The following LRP2BP variants were observed in gnomAD, a reference collection of about 807,000 sequenced individuals.
LRP2BP encodes the protein LRP2-binding protein.
LRP2BP carries 38 observed loss-of-function variants against 45.2 expected under a neutral mutation model. The ratio of observed to expected loss-of-function variants is 0.84; its 90% CI spans 0.65 to 1.10. The LOEUF is 1.10. Ranked by LOEUF, LRP2BP falls within the 50% of genes least tolerant of loss-of-function variation. LRP2BP has a pLI of 0.00. For synonymous variants in LRP2BP, 153 were observed against 153.9 expected (o/e 0.99, Z 0.04); for missense variants, 385 against 418.9 (o/e 0.92, Z 0.71).
chr4:185,385,916 G>GTGGT (rs758927819), intron 1 of LRP2BP, among the ~76,000 whole-genome samples: 3 of 138,000 alleles, frequency 2.2e-5, no homozygotes, highest in Non-Finnish European at 4.8e-5. Flanking sequence ...GGGGGGGGGG[G>GTGGT]AGATAAAGAA....
chr4:185,371,880 G>A (rs1043759836), intron 7 of LRP2BP, among the ~76,000 whole-genome samples: 3 of 152,164 alleles, frequency 2.0e-5, no homozygotes, highest in South Asian at 2.1e-4. Context: ...GCTAGGGCTC[G>A]GAGAGGGGGG....
intron 1 of LRP2BP, chr4:185,378,950 G>C (rs2095447129): frequency 1.0e-6 from 1 of 985,376 alleles, no homozygotes; most frequent in Non-Finnish European, 1.2e-6. Context: ...GAAATAGAGA[G>C]ACCCTTAGTG....
chr4:185,365,727 C>A lies in LRP2BP; in HGVS notation c.*1453G>T, dbSNP rs890833452. The A allele has an allele frequency of 6.7e-6, 1 of 150,018 alleles. No individual in the cohort carries two copies. The highest frequency in any genetic ancestry group is 2.5e-5 in the African/African-American group (1 of 40,596). 9.3% of individuals were successfully genotyped at this position (150,018 alleles called of 1,614,324 possible). ...TAATAATAATAATAATCTTTAGGAA[C>A]TGGATTAAGTGTGGAGAAGAGAATA... On this transcript the variant is annotated 3_prime_UTR_variant, in exon 9 of 9. Coordinates refer to ENST00000505916, the MANE Select transcript of LRP2BP (RefSeq NM_001377440.1).
chr4:185,387,218 GCGAGACTCAGTC>G (rs2095474367), intron 1 of LRP2BP, among the ~76,000 whole-genome samples: 1 of 152,210 alleles, frequency 6.6e-6, no homozygotes, highest in Admixed American at 6.5e-5. Context: ...GGGTGACAGA[GCGAGACTCAGTC>G]TCAAACAAAC....
At chr4:185,389,090 G>T (rs2095480742) in intron 1 of LRP2BP, among the ~76,000 whole-genome samples, 1 of 152,042 alleles carries the variant, frequency 6.6e-6, no homozygotes. Flanking sequence ...ATGTTGGCCA[G>T]GATGGTCTGG....
At chr4:185,367,300 CTTCTTTTTTTTTTT>C (rs894207394) in intron 8 of LRP2BP, 55 bp from the exon 9 acceptor site, 3 of 1,336,510 alleles carry the variant, frequency 2.2e-6, no homozygotes, top group Admixed American at 4.6e-5. Context: ...TTGGGTCTTT[CTTCTTTTTTTTTTT>C]TTCTTTTTTG....
rs549254662 is a variant in LRP2BP at position 185,387,180 on chromosome 4, C to G, written c.-22+7599G>C. On this transcript the variant is annotated intron_variant, in intron 1 of 8. Coordinates refer to ENST00000505916, the MANE Select transcript of LRP2BP (RefSeq NM_001377440.1). The stretch of plus-strand genomic sequence containing the variant: ...GACGAGGGGCAGAGACTGCAGTGAG[C>G]CGAGATTGCGCCCCCGCACTGCAGC... Among the ~76,000 whole-genome samples, 5 of 152,306 alleles carry G rather than the reference C, an allele frequency of 3.3e-5. 1 individual carries two copies. Among genetic ancestry groups the G allele is most frequent in the African/African-American group, 1.2e-4 (5 of 41,574 alleles).
Position 185,367,021 on chromosome 4 carries a change from T to C in LRP2BP, c.*159A>G. The C allele has an allele frequency of 3.0e-6, 2 of 673,970 alleles. No individual in the cohort carries two copies. The highest frequency in any genetic ancestry group is 5.0e-6 in the Non-Finnish European group (2 of 399,380). The allele number at this position is 673,970 out of a possible 1,614,324, so 41.7% of individuals were successfully genotyped here. The stretch of plus-strand genomic sequence containing the variant: ...GTGTCTAGGTTTCAAGTTGCAAAAC[T>C]TAACAGCGTACGAATTCAAGAACGA... On this transcript the variant is annotated 3_prime_UTR_variant, in exon 9 of 9. Transcript: ENST00000505916.
At chr4:185,390,334 A>T (rs1274766002) in intron 1 of LRP2BP, among the ~76,000 whole-genome samples, 2 of 152,084 alleles carry the variant, frequency 1.3e-5, no homozygotes, top group East Asian at 3.9e-4. Flanking sequence ...AACATGGTGA[A>T]ATCCTGTTTA....
At position 185,387,298 on chromosome 4, in the gene LRP2BP, G is replaced by A. The variant is rs73029542; in HGVS notation, c.-22+7481C>T. Among the ~76,000 whole-genome samples, 871 of 152,312 alleles carry A rather than the reference G, an allele frequency of 5.7e-3. 10 individuals carry two copies. Among genetic ancestry groups the A allele is most frequent in the African/African-American group, 0.02 (834 of 41,558 alleles). ...TGTGCAGGTATATAAGGCCGTATCC[G>A]AAACCTTGGGAACAGAAATGTTTTA... On this transcript the variant is annotated intron_variant, in intron 1 of 8. Coordinates refer to ENST00000505916, the MANE Select transcript of LRP2BP (RefSeq NM_001377440.1).
rs896425012 is a variant in LRP2BP, at chr4:185,378,637, A to G, written c.-21-430T>C. The G allele has an allele frequency of 7.1e-6, 7 of 988,278 alleles. No homozygotes were observed. The African/African-American group carries it at 8.7e-5, about 12-fold the overall frequency. 61.2% of individuals were successfully genotyped at this position (988,278 alleles called of 1,614,324 possible). A position where few individuals can be genotyped will look rare whatever the true frequency, so the allele number is the denominator to read the frequency against. On this transcript the variant is annotated intron_variant, in intron 1 of 8. Transcript: ENST00000505916. ...CCATTTCAAATTAAAGCACTTGTCT[A>G]TTTTACCTGGGAATACACTTTATTT... is the stretch of plus-strand genomic sequence containing the variant.
At chr4:185,390,493 TG>T (rs1368707276) in intron 1 of LRP2BP, 3 of 149,236 alleles carry the variant, frequency 2.0e-5, no homozygotes, top group African/African-American at 7.4e-5. Context: ...CACTCCAGCC[TG>T]GGTGACAGAG....
intron 3 of LRP2BP, 78 bp from the exon 4 acceptor site, chr4:185,375,804 T>C (rs1261259028): frequency 3.6e-6 from 3 of 831,300 alleles, no homozygotes; most frequent in African/African-American, 1.7e-5. Flanking sequence ...TGGTCAAGTG[T>C]TTGTGCCCAA....
At chr4:185,372,566 G>A (rs977154441) in intron 7 of LRP2BP, among the ~76,000 whole-genome samples, 2 of 152,208 alleles carry the variant, frequency 1.3e-5, no homozygotes, top group African/African-American at 4.8e-5. Flanking sequence ...TGACTAGTAA[G>A]TTCCCTTGGA....
intron 1 of LRP2BP, 94 bp from the exon 2 acceptor site, chr4:185,378,301 A>C (rs2095444951): frequency 2.0e-6 from 3 of 1,509,770 alleles, no homozygotes; most frequent in Admixed American, 2.4e-5. Context: ...CATTAGGAAA[A>C]GCATCCTTCT....
chr4:185,386,837 T>C (rs1012352992), intron 1 of LRP2BP, among the ~76,000 whole-genome samples: 5 of 152,210 alleles, frequency 3.3e-5, no homozygotes, highest in Admixed American at 3.3e-4. Context: ...CGAAGGCCAC[T>C]GAGCTGAGGA....
rs1455491410 is a variant in LRP2BP at position 185,375,542 on chromosome 4, ATAAT to A, written c.330+67_330+70del. ...TATATATATATGTATTAAAATATAA[ATAAT>A]TTTAATTGTGTCCAATAATCCACTG... On this transcript the variant is annotated intron_variant, in intron 4 of 8. Coordinates refer to ENST00000505916, the MANE Select transcript of LRP2BP (RefSeq NM_001377440.1). 5.0e-5 allele frequency: 14 copies of A among 279,502 alleles called. No individual in the cohort carries two copies. In the East Asian group the frequency reaches 1.1e-3, roughly 21 times the overall value. The allele number at this position is 279,502 out of a possible 1,614,324, so 17.3% of individuals were successfully genotyped here.
At chr4:185,376,733 A>G (rs56132260) in intron 3 of LRP2BP, among the ~76,000 whole-genome samples, 176 bp downstream of exon 3, 2,018 of 152,338 alleles carry the variant, frequency 0.013, 38 homozygotes, top group African/African-American at 0.046. Context: ...AAGAAAAGTC[A>G]GGTAGCTCCT....
intron 6 of LRP2BP, among the ~76,000 whole-genome samples, chr4:185,373,649 C>T (rs751196161): frequency 2.6e-5 from 4 of 152,162 alleles, no homozygotes; most frequent in Non-Finnish European, 4.4e-5. Flanking sequence ...TGCAAATTTG[C>T]CATTAACTCC....
Sources: allele counts gnomAD v4.1 joint callset (sites outside exome capture counted in the v4.1 genomes callset), GRCh38; gene constraint gnomAD v4.1.1; transcripts MANE v1.5; gene names NCBI Gene and HGNC (gene_info 2026-07-23, HGNC 2026-07-21).